The following LSAMP variants were observed in gnomAD, a reference collection of about 807,000 sequenced individuals.
The protein encoded by LSAMP is limbic system-associated membrane protein.
Under a neutral mutation model 38.6 loss-of-function variants are expected in LSAMP, and 7 were observed. The ratio of observed to expected loss-of-function variants is 0.18; its 90% CI spans 0.10 to 0.34. LSAMP has a LOEUF of 0.34. Ranked by LOEUF, LSAMP falls within the 10% of genes least tolerant of loss-of-function variation. The probability of loss-of-function intolerance (pLI) is 1.00; values close to 1 mark genes in which losing one functional copy is unlikely to be tolerated. For synonymous variants in LSAMP, 154 were observed against 166.8 expected, an observed-to-expected ratio of 0.92 and a Z score of 0.59; for missense variants, 313 against 420.0, an observed-to-expected ratio of 0.75 and a Z score of 2.23.
At chr3:115,936,561 G>A (rs1937708488) in intron 3 of LSAMP, among the ~76,000 whole-genome samples, 1 of 152,030 alleles carries the variant, frequency 6.6e-6, no homozygotes, top group African/African-American at 2.4e-5. Flanking sequence ...GACCTTTCAG[G>A]GAGGTGACAA....
At chr3:116,225,575 A>G (rs541587161) in intron 1 of LSAMP, among the ~76,000 whole-genome samples, 1 of 152,310 alleles carries the variant, frequency 6.6e-6, no homozygotes, top group South Asian at 2.1e-4. Flanking sequence ...GTTAGATGTG[A>G]CATGGTATTG....
intron 3 of LSAMP, among the ~76,000 whole-genome samples, chr3:115,907,194 C>T (rs1394358212): frequency 6.6e-6 from 1 of 152,086 alleles, no homozygotes; most frequent in Non-Finnish European, 1.5e-5. Context: ...CTGACATTGG[C>T]TTCAGTTTTT....
At chr3:116,344,094 A>C (rs1419787089) in intron 1 of LSAMP, among the ~76,000 whole-genome samples, 1 of 152,124 alleles carries the variant, frequency 6.6e-6, no homozygotes, top group African/African-American at 2.4e-5. Context: ...CAAGCAAATA[A>C]AAACTTACCT....
At chr3:116,308,750 A>G (rs1005083525) in intron 1 of LSAMP, among the ~76,000 whole-genome samples, 15 of 152,118 alleles carry the variant, frequency 9.9e-5, no homozygotes, top group Admixed American at 7.9e-4. Context: ...CATTACCACT[A>G]CGACCTTGAA....
chr3:116,394,406 T>C (rs887117659), intron 1 of LSAMP, among the ~76,000 whole-genome samples: 2 of 152,196 alleles, frequency 1.3e-5, no homozygotes, highest in Non-Finnish European at 2.9e-5. Context: ...GCTCCCTCTG[T>C]TATCCCTGAC....
intron 1 of LSAMP, among the ~76,000 whole-genome samples, chr3:116,417,522 C>T (rs2049067775): frequency 6.6e-6 from 1 of 152,190 alleles, no homozygotes; most frequent in African/African-American, 2.4e-5. Flanking sequence ...TTATCTCTCA[C>T]CTGCAAAGAG....
At chr3:116,048,120 G>C (rs1465237183) in intron 2 of LSAMP, among the ~76,000 whole-genome samples, 1 of 152,192 alleles carries the variant, frequency 6.6e-6, no homozygotes, top group Non-Finnish European at 1.5e-5. Context: ...GGATGAATTT[G>C]TGAATAAACT....
At chr3:116,267,611 C>A (rs373416307) in intron 1 of LSAMP, among the ~76,000 whole-genome samples, 273 of 139,936 alleles carry the variant, frequency 2.0e-3, no homozygotes, top group East Asian at 2.3e-3. Flanking sequence ...TTTAAGCTGG[C>A]AAAAAAAAAA....
chr3:116,435,912 G>A (rs967505784), intron 1 of LSAMP, among the ~76,000 whole-genome samples: 2 of 152,158 alleles, frequency 1.3e-5, no homozygotes, highest in East Asian at 3.9e-4. Flanking sequence ...AAACTCGGCT[G>A]TAGTAAATGG....
At chr3:116,195,971 G>T (rs1203737963) in intron 1 of LSAMP, among the ~76,000 whole-genome samples, 1 of 152,120 alleles carries the variant, frequency 6.6e-6, no homozygotes, top group Non-Finnish European at 1.5e-5. Flanking sequence ...AATGAAAATA[G>T]AATACTATTT....
chr3:115,952,393 A>G (rs575465408), intron 3 of LSAMP, among the ~76,000 whole-genome samples: 2 of 152,362 alleles, frequency 1.3e-5, no homozygotes, highest in South Asian at 4.1e-4. Flanking sequence ...GCCATAAAAA[A>G]TGAATGAAAT....
intron 1 of LSAMP, among the ~76,000 whole-genome samples, chr3:116,420,187 T>G (rs567055575): frequency 2.0e-5 from 3 of 151,620 alleles, no homozygotes; most frequent in Admixed American, 1.3e-4. Flanking sequence ...TACCTCCGCC[T>G]CCTGGGTTCA....
At chr3:115,959,779 T>C (rs980237972) in intron 3 of LSAMP, among the ~76,000 whole-genome samples, 2 of 152,178 alleles carry the variant, frequency 1.3e-5, no homozygotes, top group Admixed American at 6.5e-5. Context: ...CTGTTATAAT[T>C]TTATCATCAC....
At chr3:115,822,782 C>T (rs565772691) in intron 6 of LSAMP, among the ~76,000 whole-genome samples, 1 of 152,264 alleles carries the variant, frequency 6.6e-6, no homozygotes, top group African/African-American at 2.4e-5. Context: ...AGTTGGCCTC[C>T]CTTAGCTAGA....
intron 3 of LSAMP, among the ~76,000 whole-genome samples, chr3:115,877,874 C>T (rs998610167): frequency 2.6e-5 from 4 of 151,970 alleles, no homozygotes; most frequent in African/African-American, 9.7e-5. Flanking sequence ...AATGTGGTTC[C>T]CATCCTTAGG....
intron 1 of LSAMP, among the ~76,000 whole-genome samples, chr3:116,428,077 A>G (rs1354471877): frequency 6.6e-6 from 1 of 152,056 alleles, no homozygotes; most frequent in African/African-American, 2.4e-5. Flanking sequence ...TTTACGCTCT[A>G]CTTTATTTAC....
intron 2 of LSAMP, among the ~76,000 whole-genome samples, chr3:116,068,066 C>T (rs754798986): frequency 8.6e-5 from 13 of 151,962 alleles, no homozygotes; most frequent in Non-Finnish European, 1.5e-4. Flanking sequence ...TCCAATTTAA[C>T]GAGGGGATGA....
chr3:116,067,894 T>C (rs7610371), intron 2 of LSAMP, among the ~76,000 whole-genome samples: 55,752 of 151,990 alleles, frequency 0.37, 10,441 homozygotes, highest in Admixed American at 0.42. Context: ...ATGAGCAGTG[T>C]GCAGAATTTA....
intron 4 of LSAMP, among the ~76,000 whole-genome samples, chr3:115,843,404 C>T (rs772694754): frequency 6.6e-6 from 1 of 151,980 alleles, no homozygotes; most frequent in African/African-American, 2.4e-5. Flanking sequence ...GTTTGCATGT[C>T]CACTTGACTT....
Sources: gnomAD v4.1 joint callset for allele counts (sites outside exome capture counted in the v4.1 genomes callset) on GRCh38, gnomAD v4.1.1 for gene constraint, MANE v1.5 for transcripts, NCBI Gene and HGNC (gene_info 2026-07-23, HGNC 2026-07-21) for gene names.